The following CDC37L1 variants were observed in gnomAD, a reference collection of about 807,000 sequenced individuals.
The protein encoded by CDC37L1 is cell division cycle 37 like 1, HSP90 cochaperone, also known as hsp90 co-chaperone Cdc37-like 1.
In CDC37L1, 32 loss-of-function variants were observed where a neutral mutation model predicts 45.9. That is an observed-to-expected ratio of 0.70 (90% confidence interval 0.53 to 0.94). The LOEUF (loss-of-function observed/expected upper bound fraction) is 0.94. CDC37L1 is among the 40% of genes least tolerant of loss of function. The probability of loss-of-function intolerance (pLI) is 0.00; values close to 1 mark genes in which losing one functional copy is unlikely to be tolerated. For synonymous variants in CDC37L1, 150 were observed against 133.0 expected (o/e 1.13, Z -0.88); for missense variants, 434 against 405.7 (o/e 1.07, Z -0.60).
At chr9:4,691,039 A>G (rs1841295534) in intron 3 of CDC37L1, among the ~76,000 whole-genome samples, 1 of 152,256 alleles carries the variant, frequency 6.6e-6, no homozygotes, top group South Asian at 2.1e-4. Flanking sequence ...GAGGTGTGAC[A>G]CAAGACAGTG....
chr9:4,705,959 G>A, intron 6 of CDC37L1, 52 bp from the exon 7 acceptor site: 1 of 840,146 alleles, frequency 1.2e-6, no homozygotes, highest in Non-Finnish European at 2.1e-6. Context: ...TCATAAAACT[G>A]GTTATAATGC....
At position 4,684,974 on chromosome 9, in the gene CDC37L1, A is replaced by G. The variant is rs770720368; in HGVS notation, c.230A>G (p.Lys77Arg). 4 of 1,614,048 alleles carry G rather than the reference A, an allele frequency of 2.5e-6. No homozygotes were observed. In the Admixed American group the frequency reaches 6.7e-5, roughly 27 times the overall value. The change falls in exon 2 of 7, where the codon AAA (lysine) becomes AGA (arginine). Residue 77 changes from lysine to arginine, a missense_variant. By Grantham distance (26) the Lys-to-Arg change is conservative (BLOSUM62 2). Transcript: ENST00000381854. The stretch of plus-strand genomic sequence containing the variant: ...TGGAATCTTGCTGAAGCTCAACAGA[A>G]ACTTGGTAGCTTAGCACTGCATAAT... ...CKWNLAEAQQKLGSLALHNSE... is the reference protein window; with the variant it reads ...CKWNLAEAQQRLGSLALHNSE...
intron 5 of CDC37L1, among the ~76,000 whole-genome samples, chr9:4,700,883 A>G (rs1055095307): frequency 2.0e-5 from 3 of 152,246 alleles, no homozygotes; most frequent in African/African-American, 4.8e-5. Context: ...AACCTTAAGC[A>G]TGCAATGAGG....
intron 2 of CDC37L1, among the ~76,000 whole-genome samples, chr9:4,686,824 G>C (rs1331320483): frequency 6.6e-6 from 1 of 152,196 alleles, no homozygotes; most frequent in Non-Finnish European, 1.5e-5. Flanking sequence ...TGCTTGAAAT[G>C]TGGCTAGTCC....
At chr9:4,700,941 A>G (rs1244373548) in intron 5 of CDC37L1, among the ~76,000 whole-genome samples, 1 of 152,242 alleles carries the variant, frequency 6.6e-6, no homozygotes, top group Non-Finnish European at 1.5e-5. Flanking sequence ...TATGGATATT[A>G]CATACTCTGT....
intron 1 of CDC37L1, among the ~76,000 whole-genome samples, chr9:4,681,652 T>G (rs956151719): frequency 6.6e-6 from 1 of 152,196 alleles, no homozygotes; most frequent in Non-Finnish European, 1.5e-5. Context: ...AAAAAAATTT[T>G]TTTTGCAAAC....
At chr9:4,704,006 G>C (rs750718358) in intron 6 of CDC37L1, among the ~76,000 whole-genome samples, 1 of 152,182 alleles carries the variant, frequency 6.6e-6, no homozygotes, top group African/African-American at 2.4e-5. Context: ...GAAAATTTCA[G>C]TTAGATGCTT....
At chr9:4,691,433 T>C in intron 3 of CDC37L1, among the ~76,000 whole-genome samples, 1 of 152,230 alleles carries the variant, frequency 6.6e-6, no homozygotes, top group Non-Finnish European at 1.5e-5. Context: ...TATTTGGTTT[T>C]CTGTTCCTTT....
At chr9:4,697,297 A>C in intron 4 of CDC37L1, 86 bp downstream of exon 4, 1 of 700,548 alleles carries the variant, frequency 1.4e-6, no homozygotes, top group Admixed American at 2.8e-5. Context: ...TGTTTTCTAC[A>C]TTAAGTCCTT....
intron 5 of CDC37L1, among the ~76,000 whole-genome samples, chr9:4,701,052 A>G (rs1841391532): frequency 1.3e-5 from 2 of 152,254 alleles, no homozygotes. Flanking sequence ...CACTCTCTGC[A>G]TTATTTCAAT....
chr9:4,695,681 G>A (rs1310507843), intron 3 of CDC37L1, among the ~76,000 whole-genome samples: 1 of 152,046 alleles, frequency 6.6e-6, no homozygotes, highest in Non-Finnish European at 1.5e-5. Context: ...TTTTTCTGTA[G>A]AGACAGGGTC....
Position 4,707,086 on chromosome 9 carries a change from C to G in CDC37L1, c.*974C>G, listed in dbSNP as rs940482979. 22 of 152,170 alleles carry G rather than the reference C, an allele frequency of 1.4e-4. No homozygotes were observed. Among genetic ancestry groups the G allele is most frequent in the Admixed American group, 1.4e-3 (21 of 15,292 alleles). The allele number at this position is 152,170 out of a possible 1,614,324, so 9.4% of individuals were successfully genotyped here. Reference sequence around the variant, plus strand: ...GGCAAGAGAAATCTTGTAGTGCTAACTGCCTTGAGCTGCCAATTACCTATT... The same window carrying G: ...GGCAAGAGAAATCTTGTAGTGCTAAGTGCCTTGAGCTGCCAATTACCTATT... On this transcript the variant is annotated 3_prime_UTR_variant, in exon 7 of 7. Transcript: ENST00000381854.
At position 4,679,588 on chromosome 9, in the gene CDC37L1, G is replaced by A; in HGVS notation, c.-180G>A. 3 of 530,682 alleles carry A rather than the reference G, an allele frequency of 5.7e-6. No individual in the cohort carries two copies. Among genetic ancestry groups the A allele is most frequent in the Non-Finnish European group, 1.0e-5 (3 of 300,860 alleles). The allele number at this position is 530,682 out of a possible 1,614,324, so 32.9% of individuals were successfully genotyped here. A position where few individuals can be genotyped will look rare whatever the true frequency, so the allele number is the denominator to read the frequency against. On this transcript the variant is annotated 5_prime_UTR_variant, in exon 1 of 7. Coordinates refer to ENST00000381854, the MANE Select transcript of CDC37L1 (RefSeq NM_017913.4). ...CTATTTCTTCCGCCGTCCGCCGGTG[G>A]CGAGGCCCAGGCTGTCGCCGGGTGT...
chr9:4,688,623 G>T lies in CDC37L1; in HGVS notation c.508+17G>T. On this transcript the variant is annotated intron_variant, in intron 3 of 6. Transcript: ENST00000381854. ...GACATTTTGGTAAGTCTACTACTTG[G>T]ATTTCCTTCTTTGTAATGTTTGGTA... is the stretch of plus-strand genomic sequence containing the variant. 1 of 1,417,444 alleles carries T rather than the reference G, an allele frequency of 7.1e-7. No individual in the cohort carries two copies. 87.8% of individuals were successfully genotyped at this position (1,417,444 alleles called of 1,614,324 possible).
In CDC37L1 at chr9:4,701,938, TCAATCA is replaced by T. The variant is rs1563772916; in HGVS notation, c.826_831del (p.Gln277_Ser278del). On this transcript the variant is annotated inframe_deletion, in exon 6 of 7. Transcript: ENST00000381854. Reference sequence around the variant, plus strand: ...TCAAGTCAAGAGTAAGACTTTATTCTCAATCACAAAGTTTTCAACCTATGACAGTTC... The same window carrying T: ...TCAAGTCAAGAGTAAGACTTTATTCTCAAAGTTTTCAACCTATGACAGTTC... The T allele has an allele frequency of 2.5e-6, 4 of 1,596,288 alleles. No individual in the cohort carries two copies. The highest frequency in any genetic ancestry group is 1.8e-5 in the Admixed American group (1 of 56,454).
intron 3 of CDC37L1, among the ~76,000 whole-genome samples, chr9:4,696,093 CT>C (rs1464069604): frequency 6.6e-6 from 1 of 152,102 alleles, no homozygotes; most frequent in South Asian, 2.1e-4. Flanking sequence ...GCCCCACCCC[CT>C]TTTTTTAAGT....
At chr9:4,683,497 A>G (rs1841217426) in intron 1 of CDC37L1, among the ~76,000 whole-genome samples, 1 of 152,124 alleles carries the variant, frequency 6.6e-6, no homozygotes, top group Non-Finnish European at 1.5e-5. Flanking sequence ...AGGATTGCCA[A>G]ATTGAAGTGA....
intron 2 of CDC37L1, among the ~76,000 whole-genome samples, chr9:4,688,294 G>A (rs937624767): frequency 6.6e-6 from 1 of 152,068 alleles, no homozygotes; most frequent in Admixed American, 6.5e-5. Context: ...CACCACACCC[G>A]GCCTCATACA....
intron 2 of CDC37L1, among the ~76,000 whole-genome samples, chr9:4,686,118 C>T (rs566819776): frequency 6.0e-4 from 92 of 152,310 alleles, no homozygotes; most frequent in African/African-American, 2.2e-3. Flanking sequence ...TTGCAGTGAA[C>T]CGAGATCGTG....
Sources: allele counts gnomAD v4.1 joint callset (sites outside exome capture counted in the v4.1 genomes callset), GRCh38; gene constraint gnomAD v4.1.1; transcripts MANE v1.5; gene names NCBI Gene and HGNC (gene_info 2026-07-23, HGNC 2026-07-21).